Variants in VPS33A observed in about 807,000 individuals in gnomAD.
The protein encoded by VPS33A is vacuolar protein sorting-associated protein 33A.
VPS33A carries 32 observed loss-of-function variants against 71.8 expected under a neutral mutation model. That is an observed-to-expected ratio of 0.45 (90% CI 0.34 to 0.60). VPS33A has a LOEUF of 0.60. VPS33A is among the 20% of genes least tolerant of loss of function. VPS33A has a pLI of 0.02. For synonymous variants in VPS33A, 311 were observed against 292.7 expected, an observed-to-expected ratio of 1.06 and a Z score of -0.64; for missense variants, 625 against 748.5, an observed-to-expected ratio of 0.84 and a Z score of 1.92.
At chr12:122,233,419 T>A (rs923444020) in intron 11 of VPS33A, among the ~76,000 whole-genome samples, 1 of 151,950 alleles carries the variant, frequency 6.6e-6, no homozygotes, top group African/African-American at 2.4e-5. Flanking sequence ...AGAGACAGGG[T>A]TTCACCATGT....
At chr12:122,242,230 A>G (rs1954724052) in intron 8 of VPS33A, 152 bp downstream of exon 8, 4 of 967,660 alleles carry the variant, frequency 4.1e-6, no homozygotes, top group Non-Finnish European at 4.5e-6. Context: ...AACTATTAAC[A>G]TATGTATACT....
chr12:122,232,519 C>T, intron 12 of VPS33A, 92 bp from the exon 13 acceptor site: 2 of 1,288,898 alleles, frequency 1.6e-6, no homozygotes, highest in African/African-American at 1.5e-5. Flanking sequence ...TAAGAATAAA[C>T]AAGTGCCTTC....
chr12:122,261,177 T>C, intron 4 of VPS33A, 84 bp downstream of exon 4: 1 of 1,123,634 alleles, frequency 8.9e-7, no homozygotes. Context: ...GGACTCAGCT[T>C]CACAGTAATC....
chr12:122,232,522 G>A, intron 12 of VPS33A, 95 bp from the exon 13 acceptor site: 1 of 1,291,254 alleles, frequency 7.7e-7, no homozygotes, highest in Non-Finnish European at 1.0e-6. Flanking sequence ...GAATAAACAA[G>A]TGCCTTCATC....
At chr12:122,251,716 T>C (rs890831815) in intron 4 of VPS33A, among the ~76,000 whole-genome samples, 1 of 151,596 alleles carries the variant, frequency 6.6e-6, no homozygotes, top group East Asian at 1.9e-4. Flanking sequence ...TAGGTGGGAA[T>C]TGAACAATGA....
intron 11 of VPS33A, 40 bp downstream of exon 11, chr12:122,235,746 C>A: frequency 6.3e-7 from 1 of 1,575,840 alleles, no homozygotes; most frequent in Non-Finnish European, 8.6e-7. Flanking sequence ...ACGATCTAAC[C>A]AGTCCCTAAG....
intron 4 of VPS33A, among the ~76,000 whole-genome samples, chr12:122,252,472 A>C (rs1346670185): frequency 2.6e-5 from 4 of 151,936 alleles, no homozygotes; most frequent in Non-Finnish European, 5.9e-5. Context: ...GGGTTTCACC[A>C]TGTTAGCCCT....
At chr12:122,236,410 C>A (rs537926662) in intron 10 of VPS33A, among the ~76,000 whole-genome samples, 2 of 152,088 alleles carry the variant, frequency 1.3e-5, no homozygotes, top group Non-Finnish European at 2.9e-5. Context: ...GAGGCCGAGG[C>A]GGGCCAATCA....
chr12:122,238,051 A>G (rs1954653804), intron 10 of VPS33A, among the ~76,000 whole-genome samples: 1 of 151,936 alleles, frequency 6.6e-6, no homozygotes, highest in African/African-American at 2.4e-5. Flanking sequence ...TATTGAGATA[A>G]CAGAGGTGAG....
chr12:122,235,673 T>C lies in VPS33A; in HGVS notation c.1440+113A>G, dbSNP rs1954620530. The C allele has an allele frequency of 6.5e-6, 9 of 1,392,240 alleles. No homozygotes were observed. In the East Asian group the frequency reaches 1.7e-4, roughly 26 times the overall value. 86.2% of individuals were successfully genotyped at this position (1,392,240 alleles called of 1,614,324 possible). ...GCATACATTACTTTTTCAAAAACAT[T>C]AGAAAATTGTTTTCAGAAAGCAAGG... is the stretch of plus-strand genomic sequence containing the variant. On this transcript the variant is annotated intron_variant, in intron 11 of 12. Transcript: ENST00000267199.
intron 7 of VPS33A, among the ~76,000 whole-genome samples, 196 bp from the exon 8 acceptor site, chr12:122,242,704 C>T (rs1373820719): frequency 2.0e-5 from 3 of 152,162 alleles, no homozygotes; most frequent in African/African-American, 4.8e-5. Context: ...AGGTGCCCAC[C>T]ACCATGCCCA....
Position 122,254,405 on chromosome 12 carries a change from C to CT in VPS33A, c.484-3307dup, listed in dbSNP as rs10571356. On this transcript the variant is annotated intron_variant, in intron 4 of 12. Coordinates refer to ENST00000267199, the MANE Select transcript of VPS33A (RefSeq NM_022916.6). ...TAACTCCCCCAATCCACCCCCCCGCCTTTTTTTTTTTTTTTGAGATAGGCT... is the reference window on the plus strand; with the variant it reads ...TAACTCCCCCAATCCACCCCCCCGCCTTTTTTTTTTTTTTTTGAGATAGGCT... Among the ~76,000 whole-genome samples the CT allele has an allele frequency of 3.3e-3, 365 of 110,144 alleles. 2 individuals are homozygous for CT. Among genetic ancestry groups the CT allele is most frequent in the East Asian group, 0.014 (47 of 3,376 alleles). 72.3% of individuals were successfully genotyped at this position (110,144 alleles called of 152,430 possible). A position where few individuals can be genotyped will look rare whatever the true frequency, so the allele number is the denominator to read the frequency against.
In VPS33A at chr12:122,234,544, G is replaced by A. The variant is rs141838219; in HGVS notation, c.1440+1242C>T. Among the ~76,000 whole-genome samples, 452 of 152,150 alleles carry A rather than the reference G, an allele frequency of 3.0e-3. 2 individuals carry two copies. Among genetic ancestry groups the A allele is most frequent in the African/African-American group, 0.01 (428 of 41,504 alleles). On this transcript the variant is annotated intron_variant, in intron 11 of 12. Coordinates refer to ENST00000267199, the MANE Select transcript of VPS33A (RefSeq NM_022916.6). ...TGACCTCAAGTGATCCTCCTGCCTT[G>A]GCCTCCCAAAGTGCTGGAATTACAG...
chr12:122,235,081 T>G (rs1254478728), intron 11 of VPS33A, among the ~76,000 whole-genome samples: 1 of 151,938 alleles, frequency 6.6e-6, no homozygotes. Context: ...CTGGGCTCAG[T>G]GATCCTCTAA....
intron 9 of VPS33A, 99 bp downstream of exon 9, chr12:122,239,779 A>AAAAAAAAAAAAAAAAAT: frequency 3.9e-6 from 2 of 507,360 alleles, no homozygotes; most frequent in Non-Finnish European, 6.8e-6. Context: ...AAAAAAAAAA[A>AAAAAAAAAAAAAAAAAT]GGCAAGGCAT....
chr12:122,237,316 T>C (rs1593195028), intron 10 of VPS33A, among the ~76,000 whole-genome samples: 1 of 152,170 alleles, frequency 6.6e-6, no homozygotes, highest in Non-Finnish European at 1.5e-5. Flanking sequence ...TACACTCAAA[T>C]TGCCTGGTTT....
chr12:122,246,766 A>AT (rs949035225), intron 6 of VPS33A, among the ~76,000 whole-genome samples: 76 of 149,108 alleles, frequency 5.1e-4, no homozygotes, highest in Non-Finnish European at 1.0e-3. Flanking sequence ...TACCTGGCTA[A>AT]TTTTTTTTTG....
intron 10 of VPS33A, among the ~76,000 whole-genome samples, chr12:122,236,651 T>A (rs576599524): frequency 4.6e-5 from 7 of 152,280 alleles, no homozygotes; most frequent in Admixed American, 2.0e-4. Context: ...AAATAAATTT[T>A]AAAAAGTAGC....
At position 122,259,878 on chromosome 12, in the gene VPS33A, A is replaced by G. The variant is rs183029647; in HGVS notation, c.483+1383T>C. Among the ~76,000 whole-genome samples, 295 of 152,146 alleles carry G rather than the reference A, an allele frequency of 1.9e-3. 1 individual carries two copies. The highest frequency in any genetic ancestry group is 6.6e-3 in the African/African-American group (275 of 41,478). On this transcript the variant is annotated intron_variant, in intron 4 of 12. Transcript: ENST00000267199. ...CCAAAAAATAAAAATAGAAAAAAAA[A>G]GAAATTAAAAAAAAATTAGCCAGGT...
Sources: allele counts gnomAD v4.1 joint callset (sites outside exome capture counted in the v4.1 genomes callset), GRCh38; gene constraint gnomAD v4.1.1; transcripts MANE v1.5; gene names NCBI Gene and HGNC (gene_info 2026-07-23, HGNC 2026-07-21).